COL26A1: variants seen among roughly 807,000 people sequenced by gnomAD.
The protein encoded by COL26A1 is collagen type XXVI alpha 1 chain.
COL26A1 carries 41 observed loss-of-function variants against 59.3 expected under a neutral mutation model. The ratio of observed to expected loss-of-function variants is 0.69; its 90% CI spans 0.54 to 0.90. The LOEUF (loss-of-function observed/expected upper bound fraction) is 0.90. Among genes scored for constraint, COL26A1 ranks in the 40% least tolerant of loss-of-function variants. The pLI is 0.00. For synonymous variants in COL26A1, 266 were observed against 256.0 expected (o/e 1.04, Z -0.37); for missense variants, 612 against 602.3 (o/e 1.02, Z -0.17).
intron 3 of COL26A1, among the ~76,000 whole-genome samples, chr7:101,450,894 G>A (rs1793319484): frequency 1.4e-5 from 2 of 145,066 alleles, no homozygotes; most frequent in Admixed American, 1.4e-4. Flanking sequence ...GATATTGAAT[G>A]CGTTATTAAT....
intron 3 of COL26A1, among the ~76,000 whole-genome samples, chr7:101,450,744 TTCTATATGAATATGAATTCCATAG>T (rs1230860434): frequency 0.12 from 13,942 of 111,612 alleles, 4,866 homozygotes; most frequent in African/African-American, 0.34. Flanking sequence ...ATATTCCATA[TTCTATATGAATATGAATTCCATAG>T]TCTATATGAA....
intron 3 of COL26A1, among the ~76,000 whole-genome samples, chr7:101,515,442 C>G (rs899561349): frequency 6.6e-6 from 1 of 150,960 alleles, no homozygotes; most frequent in Non-Finnish European, 1.5e-5. Context: ...TGCCACCACA[C>G]TCAGCTAATT....
intron 3 of COL26A1, among the ~76,000 whole-genome samples, chr7:101,517,261 C>G: frequency 6.6e-6 from 1 of 152,214 alleles, no homozygotes; most frequent in East Asian, 1.9e-4. Context: ...TTCACCTGTT[C>G]CTCCGTTGGG....
At chr7:101,461,145 T>TTTTTG (rs1316221255) in intron 3 of COL26A1, among the ~76,000 whole-genome samples, 1 of 152,020 alleles carries the variant, frequency 6.6e-6, no homozygotes, top group Non-Finnish European at 1.5e-5. Flanking sequence ...CCAGCAATTT[T>TTTTTG]TTTTGTTTTG....
At chr7:101,543,390 A>T (rs1286694763) in intron 5 of COL26A1, among the ~76,000 whole-genome samples, 1 of 151,894 alleles carries the variant, frequency 6.6e-6, no homozygotes, top group Non-Finnish European at 1.5e-5. Context: ...GGCTGGTCTC[A>T]AACTCCTGGG....
At chr7:101,365,771 A>T (rs375849267) in intron 1 of COL26A1, among the ~76,000 whole-genome samples, 149 of 152,124 alleles carry the variant, frequency 9.8e-4, no homozygotes, top group African/African-American at 3.3e-3. Flanking sequence ...GATGTTTTGC[A>T]AGGAGCGTAT....
intron 3 of COL26A1, among the ~76,000 whole-genome samples, chr7:101,489,678 T>TG (rs1794359057): frequency 2.1e-5 from 1 of 46,736 alleles, no homozygotes; most frequent in African/African-American, 2.4e-4. Context: ...CCTTCCTTCC[T>TG]TCCTTTCTTT....
chr7:101,528,793 C>T (rs1201346033), intron 3 of COL26A1, among the ~76,000 whole-genome samples: 2 of 152,186 alleles, frequency 1.3e-5, no homozygotes, highest in East Asian at 1.9e-4. Context: ...AAGCGATCCA[C>T]CCACCTCAAC....
chr7:101,363,388 G>A, intron 1 of COL26A1, among the ~76,000 whole-genome samples, 198 bp downstream of exon 1: 1 of 147,894 alleles, frequency 6.8e-6, no homozygotes, highest in Non-Finnish European at 1.5e-5. Context: ...TGGGGTGCGG[G>A]GCGATTCGGG....
At chr7:101,480,457 A>G (rs1347598222) in intron 3 of COL26A1, among the ~76,000 whole-genome samples, 1 of 151,856 alleles carries the variant, frequency 6.6e-6, no homozygotes, top group Non-Finnish European at 1.5e-5. Context: ...TTATTTTCTC[A>G]TGTTGCTGGG....
chr7:101,551,831 AGGGGTGTGGGGC>A (rs1319227857), intron 10 of COL26A1, among the ~76,000 whole-genome samples: 1 of 151,978 alleles, frequency 6.6e-6, no homozygotes, highest in African/African-American at 2.4e-5. Flanking sequence ...GCCTCACTGT[AGGGGTGTGGGGC>A]GGGGAGGAGG....
chr7:101,497,040 C>A (rs1343669642), intron 3 of COL26A1, among the ~76,000 whole-genome samples: 1 of 152,074 alleles, frequency 6.6e-6, no homozygotes, highest in African/African-American at 2.4e-5. Flanking sequence ...GAGTTCGAGA[C>A]CAGCCTGGCC....
At chr7:101,435,306 G>A (rs1314369792) in intron 2 of COL26A1, among the ~76,000 whole-genome samples, 1 of 152,132 alleles carries the variant, frequency 6.6e-6, no homozygotes, top group Non-Finnish European at 1.5e-5. Context: ...GCCACAGCGA[G>A]ACTCCATCTC....
At chr7:101,371,770 T>C (rs1791200468) in intron 1 of COL26A1, among the ~76,000 whole-genome samples, 1 of 152,132 alleles carries the variant, frequency 6.6e-6, no homozygotes, top group Admixed American at 6.6e-5. Context: ...CCAGCCTGGG[T>C]GACAGAGTGA....
chr7:101,552,655 C>T (rs1238187419), intron 10 of COL26A1, among the ~76,000 whole-genome samples: 1 of 152,058 alleles, frequency 6.6e-6, no homozygotes, highest in African/African-American at 2.4e-5. Context: ...GCCTGTAATC[C>T]CAGCACTTTG....
chr7:101,526,928 A>G (rs2130625000), intron 3 of COL26A1, among the ~76,000 whole-genome samples: 2 of 152,252 alleles, frequency 1.3e-5, no homozygotes, highest in African/African-American at 4.8e-5. Context: ...AGGTCTCTAT[A>G]GTTCTCTTTA....
At chr7:101,499,651 T>G (rs1399369464) in intron 3 of COL26A1, among the ~76,000 whole-genome samples, 1 of 150,894 alleles carries the variant, frequency 6.6e-6, no homozygotes, top group Non-Finnish European at 1.5e-5. Context: ...ACCACTACAC[T>G]CCAGCCTGAG....
At chr7:101,441,061 G>A (rs1022263933) in intron 2 of COL26A1, among the ~76,000 whole-genome samples, 1 of 152,038 alleles carries the variant, frequency 6.6e-6, no homozygotes, top group Non-Finnish European at 1.5e-5. Flanking sequence ...TCAGGGGCCC[G>A]AGATCAGTCC....
intron 9 of COL26A1, among the ~76,000 whole-genome samples, chr7:101,550,180 G>T (rs1376625089): frequency 1.3e-5 from 2 of 152,212 alleles, no homozygotes; most frequent in African/African-American, 4.8e-5. Context: ...CCTCTGAGGG[G>T]CCAGGTGAGA....
Sources: gnomAD v4.1 joint callset for allele counts (sites outside exome capture counted in the v4.1 genomes callset) on GRCh38, gnomAD v4.1.1 for gene constraint, MANE v1.5 for transcripts, NCBI Gene and HGNC (gene_info 2026-07-23, HGNC 2026-07-21) for gene names.